The following PLAAT1 variants were observed in gnomAD, a reference collection of about 807,000 sequenced individuals.
The protein encoded by PLAAT1 is H-REV107 protein-related protein.
PLAAT1 carries 13 observed loss-of-function variants against 16.4 expected under a neutral mutation model. The ratio of observed to expected loss-of-function variants is 0.79; its 90% CI spans 0.52 to 1.26. The LOEUF (loss-of-function observed/expected upper bound fraction) is 1.26. PLAAT1 is among the 50% of genes most tolerant of loss of function. PLAAT1 has a pLI of 0.00. For missense variants in PLAAT1, 218 were observed against 207.8 expected, an observed-to-expected ratio of 1.05 and a Z score of -0.30; for synonymous variants, 73 against 78.4, an observed-to-expected ratio of 0.93 and a Z score of 0.36.
chr3:193,261,327 C>T (rs1178888975), intron 2 of PLAAT1, among the ~76,000 whole-genome samples: 1 of 151,044 alleles, frequency 6.6e-6, no homozygotes, highest in African/African-American at 2.4e-5. Flanking sequence ...GAGATTGGGC[C>T]ACTACACTCC....
intron 1 of PLAAT1, among the ~76,000 whole-genome samples, chr3:193,246,493 A>T (rs1715990423): frequency 6.6e-6 from 1 of 152,186 alleles, no homozygotes; most frequent in South Asian, 2.1e-4. Context: ...CAGCCTCTCA[A>T]GTAGTTAGGA....
At chr3:193,262,591 T>A (rs1716625527) in intron 2 of PLAAT1, among the ~76,000 whole-genome samples, 1 of 152,094 alleles carries the variant, frequency 6.6e-6, no homozygotes, top group African/African-American at 2.4e-5. Context: ...AGCAAAAAAC[T>A]GCCTTATAGA....
In PLAAT1 at chr3:193,241,390, C is replaced by CTGCCTCCCGGG; in HGVS notation, c.-141_-131dup. The stretch of plus-strand genomic sequence containing the variant: ...GACGGCCCCGAGTGATGGCTGGCGC[C>CTGCCTCCCGGG]TGCCTCCCGGGTGTCTCCCGGGTAC... On this transcript the variant is annotated 5_prime_UTR_variant, in exon 1 of 4. It introduces an in-frame stop codon into an upstream open reading frame of the 5' UTR. Transcript: ENST00000264735. 1 of 1,231,738 alleles carries CTGCCTCCCGGG rather than the reference C, an allele frequency of 8.1e-7. No homozygotes were observed. The highest frequency in any genetic ancestry group is 1.0e-6 in the Non-Finnish European group (1 of 987,996). 76.3% of individuals were successfully genotyped at this position (1,231,738 alleles called of 1,614,324 possible). A position where few individuals can be genotyped will look rare whatever the true frequency, so the allele number is the denominator to read the frequency against.
At chr3:193,260,649 A>G (rs1373905113) in intron 2 of PLAAT1, among the ~76,000 whole-genome samples, 1 of 152,108 alleles carries the variant, frequency 6.6e-6, no homozygotes, top group Non-Finnish European at 1.5e-5. Flanking sequence ...ATGAGATACC[A>G]TCTCACATCA....
Position 193,270,798 on chromosome 3 carries a change from C to A in PLAAT1, c.*93C>A. 1 of 1,471,278 alleles carries A rather than the reference C, an allele frequency of 6.8e-7. No homozygotes were observed. Among genetic ancestry groups the A allele is most frequent in the Non-Finnish European group, 9.0e-7 (1 of 1,107,568 alleles). 91.1% of individuals were successfully genotyped at this position (1,471,278 alleles called of 1,614,324 possible). The stretch of plus-strand genomic sequence containing the variant: ...TTATTTTCAGTGCATCATTACTGTT[C>A]CAGATTCCTATGATGGATGGCAGAC... On this transcript the variant is annotated 3_prime_UTR_variant, in exon 4 of 4. Coordinates refer to ENST00000264735, the MANE Select transcript of PLAAT1 (RefSeq NM_020386.5).
intron 2 of PLAAT1, among the ~76,000 whole-genome samples, chr3:193,259,685 T>C (rs1716513511): frequency 6.6e-6 from 1 of 152,106 alleles, no homozygotes; most frequent in African/African-American, 2.4e-5. Context: ...GAAAGATCTC[T>C]ACAAGGAGAA....
rs1717207428 is a variant in PLAAT1, at chr3:193,276,470, A to G, written c.*60-1166A>G. ...TCTTTACTAGATTGTTGAAAATATT[A>G]GAAAAGTGCAATACAGTGCATTCAT... On this transcript the variant is annotated intron_variant and NMD_transcript_variant, in intron 2 of 2. Coordinates refer to the PLAAT1 transcript ENST00000416012. 3.9e-5 allele frequency among the ~76,000 whole-genome samples: 6 copies of G among 152,364 alleles called. No individual in the cohort carries two copies. The South Asian group carries it at 1.2e-3, about 32-fold the overall frequency.
intron 2 of PLAAT1, among the ~76,000 whole-genome samples, chr3:193,260,245 T>C (rs1716535571): frequency 6.6e-6 from 1 of 152,128 alleles, no homozygotes; most frequent in Admixed American, 6.5e-5. Flanking sequence ...ACTCAAACTA[T>C]AAAAGTCCCA....
At chr3:193,280,607 G>A (rs1264135620), downstream of PLAAT1, among the ~76,000 whole-genome samples, 1 of 152,038 alleles carries the variant, frequency 6.6e-6, no homozygotes, top group East Asian at 1.9e-4. Context: ...TTTTAATTTT[G>A]GGAGCTAAAC....
chr3:193,264,519 T>TG (rs1170001004), intron 3 of PLAAT1, among the ~76,000 whole-genome samples: 2 of 151,706 alleles, frequency 1.3e-5, no homozygotes, highest in African/African-American at 2.4e-5. Context: ...TTCTTTTTTT[T>TG]TTTAGATGGA....
At chr3:193,247,545 G>A (rs572179284) in intron 1 of PLAAT1, among the ~76,000 whole-genome samples, 3 of 152,272 alleles carry the variant, frequency 2.0e-5, no homozygotes, top group Admixed American at 6.5e-5. Context: ...CTCTTCAAGT[G>A]TCTGCGTGCC....
chr3:193,259,141 C>T (rs2108793563), intron 2 of PLAAT1, among the ~76,000 whole-genome samples: 1 of 152,242 alleles, frequency 6.6e-6, no homozygotes, highest in South Asian at 2.1e-4. Context: ...AAGTGAAAAC[C>T]AAAAACCATA....
At chr3:193,252,604 T>C (rs985002309) in intron 1 of PLAAT1, among the ~76,000 whole-genome samples, 3 of 152,328 alleles carry the variant, frequency 2.0e-5, no homozygotes, top group Non-Finnish European at 4.4e-5. Flanking sequence ...ATACTTTTGG[T>C]ATCAAGTCTG....
chr3:193,260,826 T>G (rs1046694637), intron 2 of PLAAT1, among the ~76,000 whole-genome samples: 1 of 152,186 alleles, frequency 6.6e-6, no homozygotes, highest in African/African-American at 2.4e-5. Flanking sequence ...TACCATTTGA[T>G]CCAGCAATCC....
chr3:193,241,226 G>C lies in PLAAT1; in HGVS notation c.-308G>C. ...CGGAGCGGGCGGCTCCCCATGGTCAGAGCCTCGTGCCGGCTCGGCAGCGCC... is the reference window on the plus strand; with the variant it reads ...CGGAGCGGGCGGCTCCCCATGGTCACAGCCTCGTGCCGGCTCGGCAGCGCC... On this transcript the variant is annotated 5_prime_UTR_variant, in exon 1 of 4. Transcript: ENST00000264735. 8.2e-7 allele frequency: 1 copy of C among 1,224,504 alleles called. No homozygotes were observed. Among genetic ancestry groups the C allele is most frequent in the Non-Finnish European group, 1.0e-6 (1 of 983,298 alleles). 75.9% of individuals were successfully genotyped at this position (1,224,504 alleles called of 1,614,324 possible).
At chr3:193,275,298 G>C, downstream of PLAAT1, 1 of 1,612,274 alleles carries the variant, frequency 6.2e-7, no homozygotes, top group Non-Finnish European at 8.5e-7. Flanking sequence ...TTGAAGGATG[G>C]AATCCTGAAA....
intron 2 of PLAAT1, among the ~76,000 whole-genome samples, chr3:193,258,345 T>C (rs1716454878): frequency 6.6e-6 from 1 of 151,958 alleles, no homozygotes; most frequent in African/African-American, 2.4e-5. Context: ...ATATTGCACA[T>C]AGTGGAACTA....
chr3:193,248,099 G>T (rs541124363), intron 1 of PLAAT1, among the ~76,000 whole-genome samples: 1 of 152,134 alleles, frequency 6.6e-6, no homozygotes, highest in Admixed American at 6.5e-5. Context: ...TTGATATTGG[G>T]TGCATATATA....
chr3:193,275,954 C>T lies in PLAAT1; in HGVS notation c.*60-1682C>T, dbSNP rs893819475. On this transcript the variant is annotated intron_variant and NMD_transcript_variant, in intron 2 of 2. Coordinates refer to the PLAAT1 transcript ENST00000416012. Reference sequence around the variant, plus strand: ...TTTAGTGACTAGCATTTCCTCAAATCGCTGTATAGCTATTTAAACAAACAG... The same window carrying T: ...TTTAGTGACTAGCATTTCCTCAAATTGCTGTATAGCTATTTAAACAAACAG... Among the ~76,000 whole-genome samples the T allele has an allele frequency of 3.9e-5, 6 of 152,050 alleles. No individual in the cohort carries two copies. In the East Asian group the frequency reaches 7.7e-4, roughly 20 times the overall value.
Sources: allele counts gnomAD v4.1 joint callset (sites outside exome capture counted in the v4.1 genomes callset), GRCh38; gene constraint gnomAD v4.1.1; transcripts MANE v1.5; gene names NCBI Gene and HGNC (gene_info 2026-07-23, HGNC 2026-07-21).